CNGA1: variants seen among roughly 807,000 people sequenced by gnomAD.
CNGA1 encodes the protein cyclic nucleotide gated channel subunit alpha 1, also known as cyclic nucleotide-gated channel alpha-1.
A neutral mutation model predicts 69.7 loss-of-function variants in CNGA1; 53 were observed. That is an observed-to-expected ratio of 0.76 (90% CI 0.61 to 0.96). CNGA1 has a LOEUF of 0.96. Among genes scored for constraint, CNGA1 ranks in the 40% least tolerant of loss-of-function variants. The pLI is 0.00. For missense variants in CNGA1, 739 were observed against 811.2 expected, an observed-to-expected ratio of 0.91 and a Z score of 1.08; for synonymous variants, 249 against 283.5, an observed-to-expected ratio of 0.88 and a Z score of 1.22.
chr4:47,949,710 G>T (rs747426621), intron 6 of CNGA1, 123 bp downstream of exon 6: 3 of 691,458 alleles, frequency 4.3e-6, no homozygotes, highest in Non-Finnish European at 7.5e-6. Context: ...GACTATCATT[G>T]CCATTGTATT....
intron 3 of CNGA1, among the ~76,000 whole-genome samples, chr4:47,954,793 C>A (rs542727306): frequency 6.6e-6 from 1 of 152,296 alleles, no homozygotes; most frequent in Admixed American, 6.5e-5. Context: ...GAAAACCTTA[C>A]GAGCCTTTTT....
At chr4:47,966,273 T>C (rs1424074819) in intron 3 of CNGA1, among the ~76,000 whole-genome samples, 1 of 152,188 alleles carries the variant, frequency 6.6e-6, no homozygotes, top group Non-Finnish European at 1.5e-5. Flanking sequence ...TCAAGTGAGA[T>C]TTTTTTAACC....
chr4:47,950,003 A>C (rs1031465762), intron 5 of CNGA1, 108 bp from the exon 6 acceptor site: 2 of 862,098 alleles, frequency 2.3e-6, no homozygotes, highest in East Asian at 2.5e-5. Context: ...TCTACTCATT[A>C]CTAAAGACTA....
intron 6 of CNGA1, among the ~76,000 whole-genome samples, chr4:47,948,235 C>G (rs554500671): frequency 2.4e-4 from 37 of 151,990 alleles, no homozygotes; most frequent in African/African-American, 8.9e-4. Context: ...TCCAGTGGTC[C>G]TATCATAAGC....
intron 8 of CNGA1, chr4:47,942,891 T>C (rs568472225): frequency 2.0e-4 from 47 of 238,580 alleles, no homozygotes; most frequent in African/African-American, 9.0e-4. Flanking sequence ...TTCTCAGCGA[T>C]AAGTTATCTT....
In CNGA1 at chr4:47,952,128, C is replaced by T. The variant is rs562033735; in HGVS notation, c.107+455G>A. 5.9e-5 allele frequency among the ~76,000 whole-genome samples: 9 copies of T among 152,062 alleles called. No individual in the cohort carries two copies. The East Asian group carries it at 1.2e-3, about 20-fold the overall frequency. On this transcript the variant is annotated intron_variant, in intron 4 of 10. Transcript: ENST00000514170. ...CTGTAATCCCAACACTTTGGGAGGC[C>T]GAGGCAGGCAGATCACTTGAGGTCA...
chr4:47,946,882 C>A (rs1466780820), intron 6 of CNGA1, among the ~76,000 whole-genome samples: 1 of 152,096 alleles, frequency 6.6e-6, no homozygotes, highest in Non-Finnish European at 1.5e-5. Flanking sequence ...CCTCCCAGTT[C>A]AAGTGATTCC....
intron 3 of CNGA1, among the ~76,000 whole-genome samples, chr4:47,963,642 A>G (rs10938512): frequency 0.53 from 80,100 of 151,578 alleles, 22,853 homozygotes; most frequent in Non-Finnish European, 0.64. Flanking sequence ...TTATTCTATC[A>G]GTTTAATAAA....
chr4:47,972,545 TAA>T (rs1220016539), intron 3 of CNGA1, among the ~76,000 whole-genome samples: 7 of 152,234 alleles, frequency 4.6e-5, no homozygotes, highest in Admixed American at 1.3e-4. Context: ...TTGTCAGATT[TAA>T]AAGTTTTCCT....
At chr4:47,984,367 C>T (rs368267582) in intron 2 of CNGA1, among the ~76,000 whole-genome samples, 243 of 152,132 alleles carry the variant, frequency 1.6e-3, no homozygotes, top group African/African-American at 5.6e-3. Flanking sequence ...CCTGTAATCA[C>T]GGCACTTTGG....
chr4:47,936,152 T>TG lies in CNGA1; in HGVS notation c.*268dup, dbSNP rs1738625207. 8 of 510,044 alleles carry TG rather than the reference T, an allele frequency of 1.6e-5. No individual in the cohort carries two copies. In the South Asian group the frequency reaches 2.0e-4, roughly 13 times the overall value. The allele number at this position is 510,044 out of a possible 1,614,324, so 31.6% of individuals were successfully genotyped here. On this transcript the variant is annotated 3_prime_UTR_variant, in exon 11 of 11. Coordinates refer to ENST00000514170, the MANE Select transcript of CNGA1 (RefSeq NM_001379270.1). ...GAATATTACATAAAATGAGCGTATG[T>TG]GAAAAAATCAGAAAATACAGACACT... is the stretch of plus-strand genomic sequence containing the variant.
chr4:47,973,484 G>C (rs1741158763), intron 3 of CNGA1, among the ~76,000 whole-genome samples: 1 of 152,102 alleles, frequency 6.6e-6, no homozygotes. Flanking sequence ...ACACGTAGAA[G>C]GCTTCCTGTA....
chr4:47,970,659 A>G (rs1028787276), intron 3 of CNGA1, among the ~76,000 whole-genome samples: 1 of 150,420 alleles, frequency 6.6e-6, no homozygotes, highest in Non-Finnish European at 1.5e-5. Flanking sequence ...TTAAAAAAAA[A>G]AAAGAAAGAA....
chr4:47,969,840 G>A (rs12643308), intron 3 of CNGA1, among the ~76,000 whole-genome samples: 14,355 of 152,134 alleles, frequency 0.094, 981 homozygotes, highest in East Asian at 0.28. Flanking sequence ...TTCCATTCTT[G>A]CTTCTTGAGA....
chr4:47,957,249 A>G (rs1740144164), intron 3 of CNGA1, among the ~76,000 whole-genome samples: 1 of 152,052 alleles, frequency 6.6e-6, no homozygotes. Context: ...AAATTTTTAC[A>G]TTAGTCTAAC....
intron 3 of CNGA1, among the ~76,000 whole-genome samples, chr4:47,971,837 T>C (rs1434535796): frequency 6.6e-6 from 1 of 152,084 alleles, no homozygotes; most frequent in African/African-American, 2.4e-5. Context: ...GAGGTTGCAG[T>C]GAGCTGAGAT....
chr4:48,009,980 A>G (rs1215098326), intron 2 of CNGA1, among the ~76,000 whole-genome samples: 2 of 152,352 alleles, frequency 1.3e-5, no homozygotes, highest in East Asian at 3.9e-4. Flanking sequence ...GCATGCCGAT[A>G]GAAGTACATC....
At chr4:47,972,581 T>G (rs565492706) in intron 3 of CNGA1, among the ~76,000 whole-genome samples, 10 of 152,374 alleles carry the variant, frequency 6.6e-5, no homozygotes, top group African/African-American at 2.4e-4. Context: ...GAGCATTTTT[T>G]ACCCTACAGT....
chr4:47,951,546 G>C (rs888455521), intron 4 of CNGA1, 77 bp from the exon 5 acceptor site: 6 of 914,116 alleles, frequency 6.6e-6, no homozygotes, highest in East Asian at 2.4e-5. Flanking sequence ...CCTCACTAGG[G>C]GGACAATTGC....
Sources: gnomAD v4.1 joint callset for allele counts (sites outside exome capture counted in the v4.1 genomes callset) on GRCh38, gnomAD v4.1.1 for gene constraint, MANE v1.5 for transcripts, NCBI Gene and HGNC (gene_info 2026-07-23, HGNC 2026-07-21) for gene names.